Variants in FHIP1A observed in about 807,000 individuals in gnomAD.
FHIP1A encodes the protein FHF complex subunit HOOK interacting protein 1A.
In FHIP1A, 61 loss-of-function variants were observed where a neutral mutation model predicts 88.6. The observed-to-expected ratio is 0.69, with a 90% CI of 0.56 to 0.85. FHIP1A has a LOEUF of 0.85. FHIP1A is among the 40% of genes least tolerant of loss of function. The pLI is 0.00. For synonymous variants in FHIP1A, 478 were observed against 496.0 expected (o/e 0.96, Z 0.48); for missense variants, 1,154 against 1,273.5 (o/e 0.91, Z 1.43).
chr4:151,560,772 G>A (rs572141150), intron 3 of FHIP1A, among the ~76,000 whole-genome samples: 9 of 152,058 alleles, frequency 5.9e-5, no homozygotes, highest in East Asian at 1.9e-4. Context: ...CTGTTCAATC[G>A]CCAAGGAGCT....
At chr4:151,521,332 A>T (rs1352544305) in intron 3 of FHIP1A, among the ~76,000 whole-genome samples, 2 of 152,092 alleles carry the variant, frequency 1.3e-5, no homozygotes, top group Non-Finnish European at 2.9e-5. Context: ...ATATTTAATA[A>T]TTTTTTTCAT....
intron 7 of FHIP1A, among the ~76,000 whole-genome samples, chr4:151,621,946 C>G (rs536172165): frequency 6.6e-6 from 1 of 152,136 alleles, no homozygotes; most frequent in Admixed American, 6.5e-5. Flanking sequence ...ATATAACTAC[C>G]CTGCTAAGGA....
intron 1 of FHIP1A, among the ~76,000 whole-genome samples, chr4:151,420,462 A>G (rs1283746151): frequency 6.6e-6 from 1 of 152,132 alleles, no homozygotes; most frequent in African/African-American, 2.4e-5. Context: ...TGTTGAGACC[A>G]GTCCTTCCTC....
At chr4:151,457,209 A>T (rs946666728) in intron 2 of FHIP1A, among the ~76,000 whole-genome samples, 2 of 152,216 alleles carry the variant, frequency 1.3e-5, no homozygotes, top group Admixed American at 1.3e-4. Flanking sequence ...ATTATTAGTT[A>T]TGTCCTTTTA....
intron 7 of FHIP1A, among the ~76,000 whole-genome samples, chr4:151,602,871 T>C (rs563694775): frequency 6.6e-6 from 1 of 152,228 alleles, no homozygotes; most frequent in Admixed American, 6.5e-5. Context: ...CACAAGTGAT[T>C]CAAGATTTAA....
intron 9 of FHIP1A, among the ~76,000 whole-genome samples, chr4:151,640,980 C>A (rs182763738): frequency 7.9e-5 from 12 of 151,724 alleles, no homozygotes; most frequent in African/African-American, 2.9e-4. Context: ...ATAGTCATTT[C>A]TAGGGTGGGT....
At chr4:151,553,236 C>G (rs570615943) in intron 3 of FHIP1A, among the ~76,000 whole-genome samples, 82 of 152,172 alleles carry the variant, frequency 5.4e-4, no homozygotes, top group Non-Finnish European at 8.8e-4. Context: ...TTTATAATAT[C>G]ACATGGTTTT....
At chr4:151,578,212 GA>G (rs1294960066) in intron 5 of FHIP1A, 136 bp downstream of exon 5, 1 of 802,460 alleles carries the variant, frequency 1.2e-6, no homozygotes, top group Non-Finnish European at 1.9e-6. Context: ...ATGTTTAGAG[GA>G]AATCTTTGGA....
intron 3 of FHIP1A, among the ~76,000 whole-genome samples, chr4:151,499,762 G>A (rs1165207579): frequency 6.6e-6 from 1 of 152,164 alleles, no homozygotes; most frequent in Non-Finnish European, 1.5e-5. Context: ...ATGGCAGGAA[G>A]GAGAAGTGCA....
intron 3 of FHIP1A, among the ~76,000 whole-genome samples, chr4:151,504,660 C>T (rs1168129947): frequency 2.0e-5 from 3 of 151,972 alleles, no homozygotes; most frequent in East Asian, 1.9e-4. Context: ...CTTGTTCTGT[C>T]GCCCAGGCAG....
intron 7 of FHIP1A, among the ~76,000 whole-genome samples, chr4:151,607,235 G>A (rs563667647): frequency 2.0e-5 from 3 of 152,198 alleles, no homozygotes; most frequent in African/African-American, 4.8e-5. Flanking sequence ...GAAGAGTACC[G>A]TGGAAGCAGA....
rs73862074 is a variant in FHIP1A, at chr4:151,641,925, G to A, written c.1226+3169G>A. Among the ~76,000 whole-genome samples the A allele has an allele frequency of 6.3e-3, 953 of 152,294 alleles. 15 individuals carry two copies. The highest frequency in any genetic ancestry group is 0.022 in the African/African-American group (908 of 41,552). On this transcript the variant is annotated intron_variant, in intron 9 of 13. Transcript: ENST00000435205. The stretch of plus-strand genomic sequence containing the variant: ...AGAGCTGTGAAGATTATGTGACTGC[G>A]TTTAATGAAGGTATTTGTTATGTGA...
At chr4:151,511,964 A>T (rs1474649054) in intron 3 of FHIP1A, among the ~76,000 whole-genome samples, 4 of 152,238 alleles carry the variant, frequency 2.6e-5, no homozygotes, top group Non-Finnish European at 4.4e-5. Flanking sequence ...TGGAGATCTG[A>T]GAATGGGCAG....
chr4:151,636,447 T>C (rs1332742250), intron 8 of FHIP1A, among the ~76,000 whole-genome samples: 2 of 152,012 alleles, frequency 1.3e-5, no homozygotes, highest in African/African-American at 4.8e-5. Context: ...TAAATGCATT[T>C]ATATTAAAAG....
intron 7 of FHIP1A, among the ~76,000 whole-genome samples, chr4:151,628,861 A>C (rs1736050363): frequency 6.6e-6 from 1 of 152,202 alleles, no homozygotes; most frequent in African/African-American, 2.4e-5. Flanking sequence ...TCATCTTAGG[A>C]GGACAAAGAT....
intron 4 of FHIP1A, among the ~76,000 whole-genome samples, chr4:151,567,268 T>A (rs1733423466): frequency 6.6e-6 from 1 of 152,104 alleles, no homozygotes; most frequent in Non-Finnish European, 1.5e-5. Flanking sequence ...ATGTGACAGT[T>A]TTTTAATGAC....
At chr4:151,540,072 G>C (rs1732228355) in intron 3 of FHIP1A, among the ~76,000 whole-genome samples, 1 of 152,194 alleles carries the variant, frequency 6.6e-6, no homozygotes, top group Admixed American at 6.5e-5. Context: ...CAGCAGACCT[G>C]TACTTAAAGA....
intron 3 of FHIP1A, among the ~76,000 whole-genome samples, chr4:151,539,800 AAGT>A: frequency 6.6e-6 from 1 of 152,322 alleles, no homozygotes. Context: ...ATTAAATAAC[AAGT>A]ATACTGATGA....
intron 1 of FHIP1A, among the ~76,000 whole-genome samples, chr4:151,448,845 T>C (rs1159025991): frequency 6.6e-6 from 1 of 152,164 alleles, no homozygotes. Flanking sequence ...CTGGATCATA[T>C]GGAAGTTTTA....
Sources: gnomAD v4.1 joint callset for allele counts (sites outside exome capture counted in the v4.1 genomes callset) on GRCh38, gnomAD v4.1.1 for gene constraint, MANE v1.5 for transcripts, NCBI Gene and HGNC (gene_info 2026-07-23, HGNC 2026-07-21) for gene names.